Variants in TRAPPC3L observed in about 807,000 individuals in gnomAD.
TRAPPC3L encodes the protein trafficking protein particle complex subunit 3L.
A neutral mutation model predicts 23.7 loss-of-function variants in TRAPPC3L; 23 were observed. The observed-to-expected ratio is 0.97, with a 90% CI of 0.70 to 1.37. TRAPPC3L has a LOEUF of 1.37. Among genes scored for constraint, TRAPPC3L ranks in the 40% most tolerant of loss-of-function variants. TRAPPC3L has a pLI of 0.00. For missense variants in TRAPPC3L, 212 were observed against 216.8 expected, an observed-to-expected ratio of 0.98 and a Z score of 0.14; for synonymous variants, 81 against 77.9, an observed-to-expected ratio of 1.04 and a Z score of -0.21.
chr6:116,498,078 T>C (rs187703854), intron 4 of TRAPPC3L, among the ~76,000 whole-genome samples: 11 of 152,332 alleles, frequency 7.2e-5, no homozygotes, highest in Admixed American at 2.6e-4. Context: ...TTTTCTTCCA[T>C]AAGACTTTTT....
intron 3 of TRAPPC3L, among the ~76,000 whole-genome samples, 157 bp downstream of exon 3, chr6:116,540,206 C>T (rs1773352299): frequency 6.6e-6 from 1 of 152,172 alleles, no homozygotes; most frequent in African/African-American, 2.4e-5. Context: ...AGCTTTATCT[C>T]TGTGCTGAAA....
At chr6:116,503,120 A>C (rs1374555728) in intron 3 of TRAPPC3L, among the ~76,000 whole-genome samples, 1 of 152,196 alleles carries the variant, frequency 6.6e-6, no homozygotes, top group Non-Finnish European at 1.5e-5. Flanking sequence ...TGCTGTATTC[A>C]GGAGACCCAT....
chr6:116,501,053 G>C (rs951219650), intron 3 of TRAPPC3L, among the ~76,000 whole-genome samples: 4 of 152,144 alleles, frequency 2.6e-5, no homozygotes, highest in Non-Finnish European at 5.9e-5. Context: ...CATGTGGGAA[G>C]TGCAAGGGAT....
At chr6:116,506,667 G>A (rs931754035) in intron 3 of TRAPPC3L, among the ~76,000 whole-genome samples, 8 of 152,116 alleles carry the variant, frequency 5.3e-5, no homozygotes, top group Non-Finnish European at 1.2e-4. Flanking sequence ...ATATACACCA[G>A]GGAATACCAT....
At chr6:116,524,223 G>A (rs1196883528) in intron 3 of TRAPPC3L, 1 of 152,086 alleles carries the variant, frequency 6.6e-6, no homozygotes, top group Non-Finnish European at 1.5e-5. Flanking sequence ...GGCAAAATAT[G>A]GAAACTATTG....
In TRAPPC3L at chr6:116,515,663, C is replaced by T. The variant is rs199849392; in HGVS notation, c.241-14997G>A. ...CTCTCTGCTCACCACATGTTATGCT[C>T]GCTGCCGATCTAAAGTTAGCTACCT... On this transcript the variant is annotated intron_variant, in intron 3 of 4. Coordinates refer to ENST00000368602, the MANE Select transcript of TRAPPC3L (RefSeq NM_001139444.3). 328 of 1,613,830 alleles carry T rather than the reference C, an allele frequency of 2.0e-4. 1 individual carries two copies. The highest frequency in any genetic ancestry group is 4.9e-4 in the Middle Eastern group (3 of 6,082).
intron 3 of TRAPPC3L, among the ~76,000 whole-genome samples, chr6:116,510,496 T>G (rs1240932003): frequency 1.3e-5 from 2 of 151,834 alleles, no homozygotes; most frequent in African/African-American, 4.8e-5. Context: ...CCATGTTGCC[T>G]AGGCTGGTCT....
At chr6:116,543,218 G>A (rs71570812) in intron 2 of TRAPPC3L, 85 bp downstream of exon 2, 11,922 of 972,408 alleles carry the variant, frequency 0.012, 102 homozygotes, top group Admixed American at 0.02. Context: ...GTGAAATGAA[G>A]CAAAGGAAGT....
At chr6:116,524,975 T>C (rs898569540) in intron 3 of TRAPPC3L, among the ~76,000 whole-genome samples, 2 of 152,226 alleles carry the variant, frequency 1.3e-5, no homozygotes, top group Admixed American at 6.5e-5. Flanking sequence ...TTACCTTTTC[T>C]ATGTTTATAA....
chr6:116,513,014 C>A (rs1772153794), intron 3 of TRAPPC3L, among the ~76,000 whole-genome samples: 1 of 152,104 alleles, frequency 6.6e-6, no homozygotes, highest in Non-Finnish European at 1.5e-5. Flanking sequence ...GGCACATGAA[C>A]ACAAATCCAG....
At chr6:116,526,490 C>T (rs1772441091) in intron 3 of TRAPPC3L, among the ~76,000 whole-genome samples, 1 of 152,142 alleles carries the variant, frequency 6.6e-6, no homozygotes, top group Non-Finnish European at 1.5e-5. Flanking sequence ...ATGCCTGTGC[C>T]TTATTCCCAG....
At chr6:116,497,715 T>C (rs1310728120) in intron 4 of TRAPPC3L, among the ~76,000 whole-genome samples, 2 of 152,202 alleles carry the variant, frequency 1.3e-5, no homozygotes, top group Non-Finnish European at 2.9e-5. Flanking sequence ...TTCATTAAAA[T>C]GTGTCCACAT....
chr6:116,541,896 C>G (rs990155029), intron 2 of TRAPPC3L, among the ~76,000 whole-genome samples: 1 of 152,104 alleles, frequency 6.6e-6, no homozygotes, highest in Non-Finnish European at 1.5e-5. Flanking sequence ...GTAAGAGGCT[C>G]TCAGCAGAAG....
rs1330445506 is a variant in TRAPPC3L at position 116,515,603 on chromosome 6, C to A, written c.241-14937G>T. ...TCAATATTTCTTTCTTCTTAAGATT[C>A]TAGGATGGTGCCTGATTTGTTCAGC... On this transcript the variant is annotated intron_variant, in intron 3 of 4. Transcript: ENST00000368602. The A allele has an allele frequency of 8.1e-6, 13 of 1,606,210 alleles. No homozygotes were observed. The East Asian group carries it at 2.7e-4, about 33-fold the overall frequency.
intron 3 of TRAPPC3L, among the ~76,000 whole-genome samples, chr6:116,533,462 C>T (rs1247502961): frequency 2.0e-5 from 3 of 152,226 alleles, no homozygotes; most frequent in Non-Finnish European, 4.4e-5. Flanking sequence ...GCCACCTCTT[C>T]CTTCCACCAG....
intron 3 of TRAPPC3L, among the ~76,000 whole-genome samples, chr6:116,538,960 A>G (rs1022032098): frequency 1.3e-5 from 2 of 152,044 alleles, no homozygotes; most frequent in Non-Finnish European, 2.9e-5. Flanking sequence ...CGATCTCTCC[A>G]TCTCCTGAGC....
Position 116,526,777 on chromosome 6 carries a change from G to GT in TRAPPC3L, c.240+13585dup, listed in dbSNP as rs1353508728. On this transcript the variant is annotated intron_variant, in intron 3 of 4. Coordinates refer to ENST00000368602, the MANE Select transcript of TRAPPC3L (RefSeq NM_001139444.3). ...TGTTTCCCAGGGTATTTACTCCATG[G>GT]TTTTTTTTCTTAATAAAGAATTTTA... Among the ~76,000 whole-genome samples the GT allele has an allele frequency of 5.3e-5, 8 of 151,960 alleles. No individual in the cohort carries two copies. The East Asian group carries it at 7.7e-4, about 15-fold the overall frequency.
intron 3 of TRAPPC3L, among the ~76,000 whole-genome samples, chr6:116,539,811 G>T (rs542890049): frequency 6.6e-6 from 1 of 152,112 alleles, no homozygotes; most frequent in Non-Finnish European, 1.5e-5. Context: ...ATTTTTAAAG[G>T]CTGGCTAAAG....
intron 3 of TRAPPC3L, among the ~76,000 whole-genome samples, chr6:116,528,422 C>T (rs1772515593): frequency 6.6e-6 from 1 of 152,182 alleles, no homozygotes; most frequent in Admixed American, 6.5e-5. Context: ...TGAGTGATTA[C>T]ATAAGGCAGT....
Sources: allele counts gnomAD v4.1 joint callset (sites outside exome capture counted in the v4.1 genomes callset), GRCh38; gene constraint gnomAD v4.1.1; transcripts MANE v1.5; gene names NCBI Gene and HGNC (gene_info 2026-07-23, HGNC 2026-07-21).